The following TENM1 variants were observed in gnomAD, a reference collection of about 807,000 sequenced individuals.
TENM1 encodes teneurin transmembrane protein 1.
In TENM1, 35 loss-of-function variants were observed where a neutral mutation model predicts 174.8. The ratio of observed to expected loss-of-function variants is 0.20; its 90% CI spans 0.15 to 0.27. The LOEUF is 0.27. Among genes scored for constraint, TENM1 ranks in the 10% least tolerant of loss-of-function variants. The probability of loss-of-function intolerance (pLI) is 1.00; values close to 1 mark genes in which losing one functional copy is unlikely to be tolerated. For synonymous variants in TENM1, 781 were observed against 798.7 expected (o/e 0.98, Z 0.37); for missense variants, 1,633 against 2,130.1 (o/e 0.77, Z 4.59).
At chrX:124,934,053 C>T (rs1167240522) in intron 1 of TENM1, among the ~76,000 whole-genome samples, 1 of 111,880 alleles carries the variant, frequency 8.9e-6, no homozygotes, top group Non-Finnish European at 1.9e-5. Flanking sequence ...TTTGTGTATA[C>T]ATGTATGTGG....
intron 11 of TENM1, among the ~76,000 whole-genome samples, chrX:124,613,302 C>T (rs539964470): frequency 3.6e-5 from 4 of 110,906 alleles, no homozygotes; most frequent in African/African-American, 9.8e-5. Context: ...AGAAATGACC[C>T]GGATAAGAAG....
chrX:124,436,151 C>T (rs1482439871), intron 23 of TENM1, among the ~76,000 whole-genome samples: 1 of 111,605 alleles, frequency 9.0e-6, no homozygotes, highest in Non-Finnish European at 1.9e-5. Context: ...CCTCATTGCA[C>T]AGTGTGCTAG....
chrX:124,516,045 C>T (rs759394752), intron 18 of TENM1, among the ~76,000 whole-genome samples: 55 of 111,103 alleles, frequency 5.0e-4, no homozygotes, highest in African/African-American at 1.8e-3. Context: ...GAAATAAGGT[C>T]ACACATCTAC....
chrX:125,198,531 T>A, the TENM1 span, among the ~76,000 whole-genome samples: 4 of 111,969 alleles, frequency 3.6e-5, no homozygotes, highest in South Asian at 3.6e-4. Context: ...GATTATTTTT[T>A]AAAAATTGCT....
chrX:124,757,685 A>C lies in TENM1; in HGVS notation c.536-20488T>G, dbSNP rs777238550. On this transcript the variant is annotated intron_variant, in intron 3 of 31. Transcript: ENST00000422452. ...GGTTGGCTGTATTAAATAAATACAT[A>C]GTGTAGCACTTCATAGGTATGCCAA... 3.6e-5 allele frequency among the ~76,000 whole-genome samples: 4 copies of C among 112,537 alleles called. No homozygotes were observed. The East Asian group carries it at 1.1e-3, about 31-fold the overall frequency.
At chrX:125,092,075 G>GA in the TENM1 span, among the ~76,000 whole-genome samples, 1 of 104,857 alleles carries the variant, frequency 9.5e-6, no homozygotes, top group Non-Finnish European at 1.9e-5. Flanking sequence ...GTTTTGAATA[G>GA]AAAAATACCC....
chrX:124,889,367 A>G (rs2057439150), intron 3 of TENM1, among the ~76,000 whole-genome samples: 1 of 111,718 alleles, frequency 9.0e-6, no homozygotes, highest in Non-Finnish European at 1.9e-5. Flanking sequence ...GGTTAATCTT[A>G]GCTTCTTTCC....
At chrX:124,546,944 C>T (rs1569299951) in exon 15 of TENM1, 3 of 1,211,368 alleles carry the variant, frequency 2.5e-6, no homozygotes, top group Non-Finnish European at 3.4e-6. Context: ...TTGATTCGAT[C>T]ATAAAAAAGT....
intron 1 of TENM1, among the ~76,000 whole-genome samples, chrX:124,921,789 T>C (rs770426104): frequency 8.1e-5 from 9 of 111,798 alleles, no homozygotes; most frequent in African/African-American, 2.9e-4. Flanking sequence ...CATGTGACTA[T>C]TGTACACTTG....
At chrX:124,379,393 C>T (rs1453217654) in exon 32 of TENM1, 1 of 112,496 alleles carries the variant, frequency 8.9e-6, no homozygotes, top group Admixed American at 9.4e-5. Context: ...ATGTTCAATA[C>T]AGAATTGTAC....
At chrX:124,462,431 TGGG>T (rs1217120404) in intron 22 of TENM1, among the ~76,000 whole-genome samples, 93 of 9,048 alleles carry the variant, frequency 0.01, 1 homozygote, top group African/African-American at 0.021. Flanking sequence ...TGTGTGTGTG[TGGG>T]GGGGGTGGGG....
intron 11 of TENM1, among the ~76,000 whole-genome samples, chrX:124,583,806 T>C (rs2049403296): frequency 9.4e-6 from 1 of 106,094 alleles, no homozygotes; most frequent in East Asian, 3.0e-4. Flanking sequence ...TAGAAGAATG[T>C]GTAACTAGAA....
At chrX:125,128,121 T>C in the TENM1 span, among the ~76,000 whole-genome samples, 2 of 111,844 alleles carry the variant, frequency 1.8e-5, no homozygotes, top group African/African-American at 6.5e-5. Flanking sequence ...CTTCCTTTTT[T>C]CTTTCCCTTC....
At chrX:124,497,372 TG>T (rs2047225550) in intron 19 of TENM1, 107 bp from the exon 23 acceptor site, 1 of 854,179 alleles carries the variant, frequency 1.2e-6, no homozygotes, top group African/African-American at 2.1e-5. Context: ...GAAGGAGCTT[TG>T]GCCTGGCATA....
At chrX:124,823,569 C>T (rs192187037) in intron 3 of TENM1, among the ~76,000 whole-genome samples, 2,924 of 109,905 alleles carry the variant, frequency 0.027, 37 homozygotes, top group Middle Eastern at 0.07. Context: ...ATACAGAAGT[C>T]GAAATACTAA....
chrX:125,000,129 C>T, the TENM1 span, among the ~76,000 whole-genome samples: 1 of 111,612 alleles, frequency 9.0e-6, no homozygotes, highest in African/African-American at 3.2e-5. Flanking sequence ...AATAATGAAT[C>T]CCATTTTTGC....
rs951060568 is a variant in TENM1 at position 124,443,078 on chromosome X, G to A, written c.4104+10259C>T. On this transcript the variant is annotated intron_variant, in intron 23 of 31. Transcript: ENST00000422452. ...TGTGTGTGTGTGTGTGTGTGTGTGT[G>A]TGTGTGTGTGTGTGTGTGTGTGTGT... Among the ~76,000 whole-genome samples the A allele has an allele frequency of 8.2e-4, 83 of 101,256 alleles. 1 individual carries two copies. Among genetic ancestry groups the A allele is most frequent in the African/African-American group, 2.9e-3 (81 of 27,690 alleles). 87.9% of individuals were successfully genotyped at this position (101,256 alleles called of 115,157 possible). A position where few individuals can be genotyped will look rare whatever the true frequency, so the allele number is the denominator to read the frequency against.
chrX:125,159,232 C>G, the TENM1 span, among the ~76,000 whole-genome samples: 2 of 112,193 alleles, frequency 1.8e-5, no homozygotes, highest in Non-Finnish European at 3.8e-5. Flanking sequence ...CTTAACGTAT[C>G]CTCATGCTAG....
intron 14 of TENM1, among the ~76,000 whole-genome samples, chrX:124,554,854 G>A (rs1484065492): frequency 5.4e-5 from 6 of 111,594 alleles, no homozygotes; most frequent in African/African-American, 2.0e-4. Context: ...ATGATTCCTG[G>A]AAGATCATTC....
Sources: gnomAD v4.1 joint callset for allele counts (sites outside exome capture counted in the v4.1 genomes callset) on GRCh38, gnomAD v4.1.1 for gene constraint, MANE v1.5 for transcripts, NCBI Gene and HGNC (gene_info 2026-07-23, HGNC 2026-07-21) for gene names.